ZRANB3: variants seen among roughly 807,000 people sequenced by gnomAD.
The protein encoded by ZRANB3 is DNA annealing helicase and endonuclease ZRANB3.
A neutral mutation model predicts 133.8 loss-of-function variants in ZRANB3; 125 were observed. The ratio of observed to expected loss-of-function variants is 0.93; its 90% CI spans 0.81 to 1.08. The LOEUF is 1.08. Ranked by LOEUF, ZRANB3 falls within the 50% of genes least tolerant of loss-of-function variation. The pLI, the probability that ZRANB3 is intolerant of heterozygous loss-of-function variation, is 0.00. For missense variants in ZRANB3, 1,229 were observed against 1,275.5 expected (o/e 0.96, Z 0.56); for synonymous variants, 387 against 432.7 (o/e 0.89, Z 1.31).
chr2:135,211,274 C>T (rs1451069595), intron 17 of ZRANB3, among the ~76,000 whole-genome samples: 1 of 152,114 alleles, frequency 6.6e-6, no homozygotes, highest in Non-Finnish European at 1.5e-5. Context: ...GGTGCGGTGG[C>T]TCATGCATGT....
At chr2:135,362,308 T>C (rs916580442) in intron 3 of ZRANB3, among the ~76,000 whole-genome samples, 1 of 152,170 alleles carries the variant, frequency 6.6e-6, no homozygotes, top group Non-Finnish European at 1.5e-5. Context: ...CACATAGCCC[T>C]GATCTTCTTC....
intron 6 of ZRANB3, among the ~76,000 whole-genome samples, chr2:135,328,824 C>T (rs575521786): frequency 3.7e-4 from 57 of 152,266 alleles, no homozygotes; most frequent in Middle Eastern, 6.8e-3. Context: ...TGATGATGAG[C>T]ATTTTTTCAT....
intron 3 of ZRANB3, among the ~76,000 whole-genome samples, chr2:135,386,759 G>A (rs894597186): frequency 9.9e-5 from 15 of 152,096 alleles, no homozygotes; most frequent in Admixed American, 2.6e-4. Flanking sequence ...ACTAAACACC[G>A]CATGTTCTCA....
At chr2:135,432,554 G>T (rs1689367422) in intron 2 of ZRANB3, among the ~76,000 whole-genome samples, 1 of 152,160 alleles carries the variant, frequency 6.6e-6, no homozygotes. Context: ...AAACTTTATG[G>T]TTTTAAGAGT....
At chr2:135,268,838 T>A (rs1380985083) in intron 11 of ZRANB3, 124 bp downstream of exon 11, 3 of 895,984 alleles carry the variant, frequency 3.3e-6, no homozygotes, top group Non-Finnish European at 5.0e-6. Flanking sequence ...GTCTCTATTA[T>A]CATCATTATC....
intron 2 of ZRANB3, among the ~76,000 whole-genome samples, chr2:135,406,914 G>A (rs1374088629): frequency 1.3e-5 from 2 of 152,180 alleles, no homozygotes; most frequent in Admixed American, 6.5e-5. Flanking sequence ...CATGGCACAA[G>A]ACAGGGATGC....
At chr2:135,460,460 T>G (rs920395745) in intron 2 of ZRANB3, among the ~76,000 whole-genome samples, 1 of 151,982 alleles carries the variant, frequency 6.6e-6, no homozygotes, top group African/African-American at 2.4e-5. Context: ...AGAGATGAGG[T>G]TTCACCATGT....
At chr2:135,277,335 T>C (rs1423071870) in intron 8 of ZRANB3, among the ~76,000 whole-genome samples, 1 of 152,226 alleles carries the variant, frequency 6.6e-6, no homozygotes, top group Non-Finnish European at 1.5e-5. Context: ...GGCCACAGTC[T>C]ATAAATTGTA....
chr2:135,489,676 T>C (rs945858101), intron 2 of ZRANB3, among the ~76,000 whole-genome samples: 9 of 150,444 alleles, frequency 6.0e-5, no homozygotes, highest in African/African-American at 9.8e-5. Context: ...GAAGGCCAAA[T>C]GGAAGCAGAA....
chr2:135,409,521 A>G (rs1466624788), intron 2 of ZRANB3, among the ~76,000 whole-genome samples: 1 of 152,172 alleles, frequency 6.6e-6, no homozygotes, highest in East Asian at 1.9e-4. Context: ...ACAAACCCAC[A>G]GCCAACATCA....
rs909943617 is a variant in ZRANB3 at position 135,313,606 on chromosome 2, C to T, written c.850-1G>A. 6.3e-7 allele frequency: 1 copy of T among 1,596,306 alleles called. No individual in the cohort carries two copies. Among genetic ancestry groups the T allele is most frequent in the Non-Finnish European group, 8.6e-7 (1 of 1,166,066 alleles). On this transcript the variant is annotated splice_acceptor_variant, in intron 7 of 20. Transcript: ENST00000264159. LOFTEE classifies it high-confidence loss of function. ...ACTCTTCAAAGCTGGTATTCAATTC[C>T]TATGTGGGAAAAAATAACACTGTTT... is the stretch of plus-strand genomic sequence containing the variant.
intron 4 of ZRANB3, 64 bp downstream of exon 4, chr2:135,353,386 T>C: frequency 1.7e-6 from 2 of 1,176,388 alleles, no homozygotes; most frequent in Non-Finnish European, 2.3e-6. Flanking sequence ...TTCTAAAACA[T>C]GAATATATAC....
intron 2 of ZRANB3, among the ~76,000 whole-genome samples, chr2:135,407,306 C>T (rs1156410690): frequency 2.0e-5 from 3 of 152,078 alleles, no homozygotes; most frequent in Non-Finnish European, 4.4e-5. Flanking sequence ...CAAACCACTG[C>T]TCAATGAAAT....
chr2:135,322,942 G>A (rs1347778452), intron 6 of ZRANB3, among the ~76,000 whole-genome samples: 2 of 151,958 alleles, frequency 1.3e-5, no homozygotes, highest in Non-Finnish European at 1.5e-5. Context: ...GTTTGAACCT[G>A]GGAGGCACAG....
chr2:135,371,275 G>A (rs1686166362), intron 3 of ZRANB3, among the ~76,000 whole-genome samples: 1 of 152,228 alleles, frequency 6.6e-6, no homozygotes, highest in Middle Eastern at 3.4e-3. Context: ...AACTGGTATG[G>A]TAGGAATGTT....
intron 2 of ZRANB3, among the ~76,000 whole-genome samples, chr2:135,452,884 C>T (rs574127186): frequency 5.8e-4 from 88 of 152,302 alleles, no homozygotes; most frequent in African/African-American, 1.6e-3. Flanking sequence ...TTCTGGAGGA[C>T]GGTGGCTCTC....
At chr2:135,379,978 A>C (rs1023010982) in intron 3 of ZRANB3, among the ~76,000 whole-genome samples, 1 of 152,204 alleles carries the variant, frequency 6.6e-6, no homozygotes, top group African/African-American at 2.4e-5. Flanking sequence ...CTACCAAGCA[A>C]ATGGAAAGCA....
chr2:135,395,754 G>A (rs1478203746), intron 2 of ZRANB3, among the ~76,000 whole-genome samples: 3 of 152,206 alleles, frequency 2.0e-5, no homozygotes, highest in South Asian at 2.1e-4. Flanking sequence ...CACGGTGCCT[G>A]GCTGGGCAAA....
At chr2:135,355,180 A>G (rs2104879105) in intron 3 of ZRANB3, 1 of 969,842 alleles carries the variant, frequency 1.0e-6, no homozygotes, top group East Asian at 1.1e-4. Context: ...TGCTCCTGTT[A>G]ACAACAAAAA....
Sources: gnomAD v4.1 joint callset for allele counts (sites outside exome capture counted in the v4.1 genomes callset) on GRCh38, gnomAD v4.1.1 for gene constraint, MANE v1.5 for transcripts, NCBI Gene and HGNC (gene_info 2026-07-23, HGNC 2026-07-21) for gene names.